Variants in THSD7B observed in about 807,000 individuals in gnomAD.
THSD7B encodes the protein thrombospondin type-1 domain-containing protein 7B.
Under a neutral mutation model 213.6 loss-of-function variants are expected in THSD7B, and 138 were observed. The ratio of observed to expected loss-of-function variants is 0.65; its 90% CI spans 0.56 to 0.74. The LOEUF (loss-of-function observed/expected upper bound fraction) is 0.74, where lower values mean the gene tolerates loss of function less well. Among genes scored for constraint, THSD7B ranks in the 30% least tolerant of loss-of-function variants. The probability of loss-of-function intolerance (pLI) is 0.00; values close to 1 mark genes in which losing one functional copy is unlikely to be tolerated. For synonymous variants in THSD7B, 742 were observed against 687.0 expected, an observed-to-expected ratio of 1.08 and a Z score of -1.25; for missense variants, 1,931 against 1,991.5, an observed-to-expected ratio of 0.97 and a Z score of 0.58.
In THSD7B at chr2:136,817,439, T is replaced by C. The variant is rs1425667776; in HGVS notation, c.-36+51752T>C. 3.3e-5 allele frequency among the ~76,000 whole-genome samples: 5 copies of C among 151,716 alleles called. No homozygotes were observed. The East Asian group carries it at 9.7e-4, about 29-fold the overall frequency. ...GTTTTAGACATGAAGTCCTTGCCCA[T>C]GCCTATGTCCTGAATGGTAATGCCT... On this transcript the variant is annotated intron_variant, in intron 1 of 27. Coordinates refer to ENST00000409968, the MANE Select transcript of THSD7B (RefSeq NM_001316349.2).
intron 15 of THSD7B, among the ~76,000 whole-genome samples, chr2:137,556,308 C>T (rs1210620671): frequency 1.3e-5 from 2 of 152,046 alleles, no homozygotes; most frequent in Non-Finnish European, 2.9e-5. Context: ...TCGGGTTACC[C>T]ACAAAGGGAA....
intron 2 of THSD7B, among the ~76,000 whole-genome samples, chr2:136,886,873 G>A (rs1047823333): frequency 1.2e-4 from 18 of 152,116 alleles, no homozygotes; most frequent in Non-Finnish European, 1.5e-4. Flanking sequence ...TGGAGGTGTC[G>A]ACTAGGAAGT....
chr2:137,534,606 C>A (rs1261204353), intron 15 of THSD7B, among the ~76,000 whole-genome samples: 1 of 151,496 alleles, frequency 6.6e-6, no homozygotes, highest in Non-Finnish European at 1.5e-5. Flanking sequence ...AATGCTTAAC[C>A]TACAGGAAAG....
chr2:136,925,915 A>G (rs1224439767), intron 2 of THSD7B, among the ~76,000 whole-genome samples: 1 of 152,142 alleles, frequency 6.6e-6, no homozygotes, highest in Non-Finnish European at 1.5e-5. Context: ...CTAAACACAC[A>G]TTTTACTGAT....
At chr2:136,956,770 C>T (rs1416373949) in intron 2 of THSD7B, among the ~76,000 whole-genome samples, 1 of 151,710 alleles carries the variant, frequency 6.6e-6, no homozygotes, top group African/African-American at 2.4e-5. Context: ...ACCTCTGCCT[C>T]CCGGGTTCAA....
chr2:137,554,845 C>T (rs1314514968), intron 15 of THSD7B, among the ~76,000 whole-genome samples: 3 of 152,206 alleles, frequency 2.0e-5, no homozygotes, highest in Non-Finnish European at 2.9e-5. Flanking sequence ...GGGTCACTCC[C>T]ACCTTAATAC....
chr2:137,111,266 A>C (rs1432219), intron 4 of THSD7B, among the ~76,000 whole-genome samples: 72,602 of 152,002 alleles, frequency 0.48, 20,128 homozygotes, highest in Non-Finnish European at 0.62. Context: ...CCCAGAACAC[A>C]CTTCCTCGGA....
intron 2 of THSD7B, among the ~76,000 whole-genome samples, chr2:137,052,023 C>G (rs1190189431): frequency 6.6e-6 from 1 of 152,112 alleles, no homozygotes; most frequent in Non-Finnish European, 1.5e-5. Context: ...ATTCACATTA[C>G]AGCATTCACA....
intron 2 of THSD7B, among the ~76,000 whole-genome samples, chr2:136,978,920 G>A (rs1685531455): frequency 6.6e-6 from 1 of 151,540 alleles, no homozygotes; most frequent in Non-Finnish European, 1.5e-5. Context: ...TTTTGTAGTG[G>A]TTGGTATAGG....
chr2:137,580,936 C>G (rs1460161332), intron 17 of THSD7B, among the ~76,000 whole-genome samples: 3 of 152,136 alleles, frequency 2.0e-5, no homozygotes, highest in African/African-American at 7.2e-5. Flanking sequence ...CCTCATGATC[C>G]AAATATCTCC....
intron 5 of THSD7B, among the ~76,000 whole-genome samples, chr2:137,139,021 TC>T (rs1679527387): frequency 6.6e-6 from 1 of 152,190 alleles, no homozygotes; most frequent in Non-Finnish European, 1.5e-5. Context: ...GAGCACATCT[TC>T]CATTATTGAA....
intron 1 of THSD7B, among the ~76,000 whole-genome samples, chr2:136,881,140 C>T (rs970482566): frequency 1.3e-5 from 2 of 152,194 alleles, no homozygotes; most frequent in African/African-American, 2.4e-5. Flanking sequence ...AGTCTCTTCT[C>T]AAATATTATC....
At chr2:137,493,817 A>T (rs1679491732) in intron 15 of THSD7B, among the ~76,000 whole-genome samples, 1 of 152,178 alleles carries the variant, frequency 6.6e-6, no homozygotes, top group South Asian at 2.1e-4. Flanking sequence ...TTTTAAGAAG[A>T]GTGATGCCAA....
intron 2 of THSD7B, among the ~76,000 whole-genome samples, chr2:136,996,219 C>T (rs942501246): frequency 2.0e-5 from 3 of 152,214 alleles, no homozygotes; most frequent in Non-Finnish European, 2.9e-5. Flanking sequence ...GATGAAGGTA[C>T]TCCACAACTT....
chr2:137,429,726 A>G (rs1475404909), intron 14 of THSD7B, among the ~76,000 whole-genome samples: 1 of 152,290 alleles, frequency 6.6e-6, no homozygotes, highest in Admixed American at 6.5e-5. Context: ...TTGTTTGGCA[A>G]TATTGACTAG....
chr2:136,912,883 T>C (rs564934889), intron 2 of THSD7B, among the ~76,000 whole-genome samples: 1 of 152,248 alleles, frequency 6.6e-6, no homozygotes, highest in South Asian at 2.1e-4. Context: ...AGCATGAAAA[T>C]GAACTAATAC....
At chr2:137,160,449 T>G in intron 6 of THSD7B, 81 bp downstream of exon 6, 1 of 1,498,088 alleles carries the variant, frequency 6.7e-7, no homozygotes, top group South Asian at 1.3e-5. Flanking sequence ...TGATTAAGCC[T>G]GCTTAAGACA....
chr2:137,633,632 T>G (rs1682781355), intron 20 of THSD7B, among the ~76,000 whole-genome samples: 1 of 152,198 alleles, frequency 6.6e-6, no homozygotes, highest in Admixed American at 6.5e-5. Context: ...AGCCTCAGTT[T>G]ATCATATGTT....
At chr2:136,947,764 G>A (rs952782806) in intron 2 of THSD7B, among the ~76,000 whole-genome samples, 1 of 152,180 alleles carries the variant, frequency 6.6e-6, no homozygotes, top group African/African-American at 2.4e-5. Context: ...GATTTCCATA[G>A]ATTATGTTTA....
Sources: gnomAD v4.1 joint callset for allele counts (sites outside exome capture counted in the v4.1 genomes callset) on GRCh38, gnomAD v4.1.1 for gene constraint, MANE v1.5 for transcripts, NCBI Gene and HGNC (gene_info 2026-07-23, HGNC 2026-07-21) for gene names.